FBN2: variants seen among roughly 807,000 people sequenced by gnomAD.
FBN2 encodes fibrillin-2.
In FBN2, 105 loss-of-function variants were observed where a neutral mutation model predicts 355.6. The ratio of observed to expected loss-of-function variants is 0.30; its 90% CI spans 0.25 to 0.35. The LOEUF is 0.35. Among genes scored for constraint, FBN2 ranks in the 10% least tolerant of loss-of-function variants. The probability of loss-of-function intolerance (pLI) is 1.00; values close to 1 mark genes in which losing one functional copy is unlikely to be tolerated. For synonymous variants in FBN2, 1,350 were observed against 1,301.2 expected, an observed-to-expected ratio of 1.04 and a Z score of -0.81; for missense variants, 3,280 against 3,758.7, an observed-to-expected ratio of 0.87 and a Z score of 3.33.
At chr5:128,485,506 G>A (rs1453588119) in intron 5 of FBN2, among the ~76,000 whole-genome samples, 2 of 152,108 alleles carry the variant, frequency 1.3e-5, no homozygotes, top group African/African-American at 4.8e-5. Flanking sequence ...GTCCTAATAT[G>A]TTTGAACAAG....
intron 62 of FBN2, among the ~76,000 whole-genome samples, chr5:128,269,000 C>T (rs915518451): frequency 5.3e-5 from 8 of 152,204 alleles, no homozygotes; most frequent in African/African-American, 1.9e-4. Context: ...TCCTATTCAA[C>T]ATAGTATTGG....
At chr5:128,351,077 G>A (rs972281111) in intron 20 of FBN2, 72 bp from the exon 21 acceptor site, 9 of 1,567,276 alleles carry the variant, frequency 5.7e-6, no homozygotes, top group Non-Finnish European at 7.9e-6. Flanking sequence ...GTACACAAAA[G>A]GCATTTGTTA....
chr5:128,337,775 G>A (rs1213444071), intron 27 of FBN2, among the ~76,000 whole-genome samples: 1 of 152,150 alleles, frequency 6.6e-6, no homozygotes, highest in Non-Finnish European at 1.5e-5. Context: ...CACGTGGCTT[G>A]TTATAAAAAA....
chr5:128,368,437 CATATATACATATATATACACAT>C (rs1292039445), intron 16 of FBN2, among the ~76,000 whole-genome samples: 20 of 97,730 alleles, frequency 2.0e-4, no homozygotes, highest in Middle Eastern at 4.3e-3. Flanking sequence ...TATATATACA[CATATATACATATATATACACAT>C]ATATATACAT....
intron 5 of FBN2, among the ~76,000 whole-genome samples, chr5:128,473,264 T>C (rs1421683827): frequency 6.6e-6 from 1 of 152,210 alleles, no homozygotes; most frequent in African/African-American, 2.4e-5. Flanking sequence ...CTCTCTCCAA[T>C]GCAGAGTAGA....
At chr5:128,427,489 C>T (rs1753512992) in intron 7 of FBN2, among the ~76,000 whole-genome samples, 1 of 152,150 alleles carries the variant, frequency 6.6e-6, no homozygotes, top group Non-Finnish European at 1.5e-5. Context: ...ACTCTGACCG[C>T]CATTCTTTCT....
chr5:128,426,716 G>A (rs1260185909), intron 7 of FBN2, among the ~76,000 whole-genome samples: 1 of 152,200 alleles, frequency 6.6e-6, no homozygotes, highest in Non-Finnish European at 1.5e-5. Context: ...AAGGGGCATG[G>A]TGTCTTCTTT....
intron 5 of FBN2, among the ~76,000 whole-genome samples, chr5:128,470,153 A>G (rs1754817935): frequency 6.6e-6 from 1 of 152,218 alleles, no homozygotes; most frequent in Middle Eastern, 3.2e-3. Flanking sequence ...GAGAGATGGG[A>G]GAGCAACAGG....
At chr5:128,324,267 G>A (rs1301946725) in intron 34 of FBN2, among the ~76,000 whole-genome samples, 4 of 152,148 alleles carry the variant, frequency 2.6e-5, no homozygotes, top group African/African-American at 9.6e-5. Context: ...TTTCTTTAAA[G>A]GGTTTATTGT....
intron 20 of FBN2, among the ~76,000 whole-genome samples, chr5:128,353,888 G>A (rs187830838): frequency 1.3e-5 from 2 of 152,172 alleles, no homozygotes; most frequent in Admixed American, 6.6e-5. Flanking sequence ...CTTTAGGCTG[G>A]TGCTGTATCA....
intron 62 of FBN2, among the ~76,000 whole-genome samples, chr5:128,265,266 TA>T (rs1161033211): frequency 6.6e-6 from 1 of 152,182 alleles, no homozygotes; most frequent in East Asian, 1.9e-4. Context: ...TACAATTTAA[TA>T]AAATGATCCT....
At chr5:128,490,292 C>G (rs1223020645) in intron 5 of FBN2, among the ~76,000 whole-genome samples, 1 of 152,124 alleles carries the variant, frequency 6.6e-6, no homozygotes, top group Non-Finnish European at 1.5e-5. Flanking sequence ...CAGATGTTAG[C>G]CATACTGATG....
chr5:128,537,749 T>A lies in FBN2; in HGVS notation c.-146A>T. On this transcript the variant is annotated 5_prime_UTR_variant, in exon 1 of 65. Transcript: ENST00000262464. ...TCGGGCTCGGGCTCCCTGCTCTAGCTGGAGACCTCGACAGAGCGCCGGCCC... is the reference window on the plus strand; with the variant it reads ...TCGGGCTCGGGCTCCCTGCTCTAGCAGGAGACCTCGACAGAGCGCCGGCCC... The A allele has an allele frequency of 2.5e-6, 2 of 793,982 alleles. No individual in the cohort carries two copies. Among genetic ancestry groups the A allele is most frequent in the Non-Finnish European group, 4.1e-6 (2 of 488,068 alleles). The allele number at this position is 793,982 out of a possible 1,614,324, so 49.2% of individuals were successfully genotyped here. A position where few individuals can be genotyped will look rare whatever the true frequency, so the allele number is the denominator to read the frequency against.
intron 4 of FBN2, among the ~76,000 whole-genome samples, chr5:128,526,440 T>C (rs1273576812): frequency 6.6e-6 from 1 of 152,140 alleles, no homozygotes; most frequent in Non-Finnish European, 1.5e-5. Flanking sequence ...CAAACAGCTA[T>C]TTCAGCATTA....
At chr5:128,282,247 C>T (rs974677654) in intron 55 of FBN2, among the ~76,000 whole-genome samples, 3 of 151,990 alleles carry the variant, frequency 2.0e-5, no homozygotes, top group East Asian at 1.9e-4. Context: ...GATGTGCCTC[C>T]TGTGATTATT....
At chr5:128,474,876 T>C (rs1410140079) in intron 5 of FBN2, among the ~76,000 whole-genome samples, 1 of 152,222 alleles carries the variant, frequency 6.6e-6, no homozygotes, top group African/African-American at 2.4e-5. Flanking sequence ...GGGGTTGTCG[T>C]TACTTGAGAA....
rs770624852 is a variant in FBN2 at position 128,288,562 on chromosome 5, A to T, written c.6638-5T>A. 11 of 1,613,332 alleles carry T rather than the reference A, an allele frequency of 6.8e-6. No individual in the cohort carries two copies. In the South Asian group the frequency reaches 1.2e-4, roughly 18 times the overall value. On this transcript the variant is annotated splice_polypyrimidine_tract_variant and splice_region_variant and intron_variant, in intron 52 of 64. Transcript: ENST00000262464. ...CGATTGAACACTCATCAGTATCTGA[A>T]AAAGAAGAATAAGAAACTGCCACAA...
intron 11 of FBN2, among the ~76,000 whole-genome samples, chr5:128,389,240 C>T (rs894514273): frequency 6.6e-6 from 1 of 152,158 alleles, no homozygotes; most frequent in African/African-American, 2.4e-5. Flanking sequence ...GGCCTATGTG[C>T]ATGTGTGCCA....
chr5:128,352,217 T>C (rs997753207), intron 20 of FBN2, among the ~76,000 whole-genome samples: 6 of 152,178 alleles, frequency 3.9e-5, no homozygotes, highest in African/African-American at 1.4e-4. Context: ...AAAAAATGTG[T>C]GTATGTGTGT....
Sources: allele counts gnomAD v4.1 joint callset (sites outside exome capture counted in the v4.1 genomes callset), GRCh38; gene constraint gnomAD v4.1.1; transcripts MANE v1.5; gene names NCBI Gene and HGNC (gene_info 2026-07-23, HGNC 2026-07-21).